RAB3GAP2: variants seen among roughly 807,000 people sequenced by gnomAD.
The protein encoded by RAB3GAP2 is RAB3 GTPase activating non-catalytic protein subunit 2.
In RAB3GAP2, 87 loss-of-function variants were observed where a neutral mutation model predicts 185.3. The ratio of observed to expected loss-of-function variants is 0.47; its 90% CI spans 0.39 to 0.56. The LOEUF (loss-of-function observed/expected upper bound fraction) is 0.56, where lower values mean the gene tolerates loss of function less well. RAB3GAP2 is among the 20% of genes least tolerant of loss of function. The pLI is 0.00. For missense variants in RAB3GAP2, 1,492 were observed against 1,638.2 expected (o/e 0.91, Z 1.54); for synonymous variants, 554 against 576.1 (o/e 0.96, Z 0.55).
intron 21 of RAB3GAP2, among the ~76,000 whole-genome samples, chr1:220,175,236 T>G (rs1183606761): frequency 6.6e-6 from 1 of 151,264 alleles, no homozygotes; most frequent in East Asian, 1.9e-4. Context: ...TTTCTTTTCT[T>G]TTTTTTTTGA....
intron 1 of RAB3GAP2, among the ~76,000 whole-genome samples, chr1:220,262,970 C>CTT (rs530788403): frequency 3.4e-3 from 493 of 145,788 alleles, no homozygotes; most frequent in African/African-American, 0.012. Flanking sequence ...TATCCTGATA[C>CTT]TTTTTTTTTT....
chr1:220,181,077 T>G (rs922406754), intron 21 of RAB3GAP2, among the ~76,000 whole-genome samples: 1 of 152,202 alleles, frequency 6.6e-6, no homozygotes, highest in Non-Finnish European at 1.5e-5. Flanking sequence ...CTAGATATGA[T>G]TTAAGGTATA....
intron 1 of RAB3GAP2, among the ~76,000 whole-genome samples, chr1:220,240,944 T>C (rs932525778): frequency 5.3e-5 from 8 of 152,116 alleles, no homozygotes; most frequent in East Asian, 1.9e-4. Flanking sequence ...AGAGAATTTT[T>C]TCCTTGAAGA....
intron 1 of RAB3GAP2, chr1:220,266,900 T>G (rs1660236673): frequency 6.3e-7 from 1 of 1,590,974 alleles, no homozygotes; most frequent in Admixed American, 1.7e-5. Context: ...CGTGATATTC[T>G]TTTGTAGGTC....
At chr1:220,243,203 A>C (rs1208855346) in intron 1 of RAB3GAP2, among the ~76,000 whole-genome samples, 1 of 151,976 alleles carries the variant, frequency 6.6e-6, no homozygotes, top group Non-Finnish European at 1.5e-5. Flanking sequence ...AAATACAAAA[A>C]ATTAGCCGGG....
intron 2 of RAB3GAP2, among the ~76,000 whole-genome samples, chr1:220,222,215 T>C (rs949932475): frequency 1.3e-5 from 2 of 152,212 alleles, no homozygotes; most frequent in Non-Finnish European, 2.9e-5. Context: ...AAGGATTTTT[T>C]CTTTTTTTTT....
At chr1:220,236,895 T>C (rs1300906633) in intron 1 of RAB3GAP2, among the ~76,000 whole-genome samples, 6 of 152,200 alleles carry the variant, frequency 3.9e-5, no homozygotes, top group Non-Finnish European at 8.8e-5. Flanking sequence ...AACTATGTAC[T>C]GTTTTAGGTT....
intron 1 of RAB3GAP2, among the ~76,000 whole-genome samples, chr1:220,271,808 A>G (rs1305479616): frequency 2.0e-5 from 3 of 151,206 alleles, no homozygotes; most frequent in Admixed American, 6.6e-5. Flanking sequence ...GAGCGCTGAC[A>G]TGTGGCAAGG....
intron 7 of RAB3GAP2, chr1:220,207,886 C>T (rs900647001): frequency 7.9e-5 from 12 of 152,084 alleles, no homozygotes; most frequent in African/African-American, 2.7e-4. Flanking sequence ...TCTCCTGAAA[C>T]GAATGACCTG....
chr1:220,246,323 G>GACTGTAAACTAGTTCA (rs1659814816), intron 1 of RAB3GAP2, among the ~76,000 whole-genome samples: 1 of 151,492 alleles, frequency 6.6e-6, no homozygotes, highest in Non-Finnish European at 1.5e-5. Flanking sequence ...CTGTTGGTGG[G>GACTGTAAACTAGTTCA]ACTGTAAACT....
chr1:220,176,876 A>T (rs1173889264), intron 21 of RAB3GAP2, among the ~76,000 whole-genome samples: 1 of 152,156 alleles, frequency 6.6e-6, no homozygotes, highest in African/African-American at 2.4e-5. Flanking sequence ...AGCTGATCCC[A>T]AGAGGGCCCA....
chr1:220,255,464 G>A (rs1465508316), intron 1 of RAB3GAP2, among the ~76,000 whole-genome samples: 1 of 152,122 alleles, frequency 6.6e-6, no homozygotes, highest in African/African-American at 2.4e-5. Flanking sequence ...TTCAGAAGGT[G>A]GATAACAACA....
At position 220,150,326 on chromosome 1, in the gene RAB3GAP2, G is replaced by A. The variant is rs185747953; in HGVS notation, c.*925C>T. 514 of 152,082 alleles carry A rather than the reference G, an allele frequency of 3.4e-3. 18 individuals carry two copies. The highest frequency in any genetic ancestry group is 0.028 in the Admixed American group (427 of 15,226). The allele number at this position is 152,082 out of a possible 1,614,324, so 9.4% of individuals were successfully genotyped here. ...GCTGTGAGGTAGGTTTGCTAAAGCT[G>A]TAATACCACTAAGCAGTTTTTTCAA... On this transcript the variant is annotated 3_prime_UTR_variant, in exon 35 of 35. Coordinates refer to ENST00000358951, the MANE Select transcript of RAB3GAP2 (RefSeq NM_012414.4).
chr1:220,267,007 C>A, intron 1 of RAB3GAP2: 1 of 1,611,128 alleles, frequency 6.2e-7, no homozygotes. Context: ...ATCATGCATC[C>A]GACCTTCAAT....
chr1:220,196,393 T>C lies in RAB3GAP2; in HGVS notation c.817A>G (p.Met273Val), dbSNP rs1327957794. 6 of 1,590,288 alleles carry C rather than the reference T, an allele frequency of 3.8e-6. No homozygotes were observed. The highest frequency in any genetic ancestry group is 4.3e-6 in the Non-Finnish European group (5 of 1,164,136). ...TIIDHASVGI[M>V]TLSPFDQMKT... The stretch of plus-strand genomic sequence containing the variant: ...ATTTGATCAAAGGGGGACAGAGTCA[T>C]AATACCTAATAAAAAAAAAAAAGTG... Residue 273 changes from methionine (M) to valine (V), a missense_variant, in exon 10 of 35, where the codon ATG becomes GTG. This residue lies in a region of RAB3GAP2 where 243 missense variants were observed against 314.8 expected (regional missense o/e 0.77). Coordinates refer to ENST00000358951, the MANE Select transcript of RAB3GAP2 (RefSeq NM_012414.4).
intron 1 of RAB3GAP2, among the ~76,000 whole-genome samples, chr1:220,269,064 T>C (rs1248375872): frequency 6.6e-6 from 1 of 152,176 alleles, no homozygotes; most frequent in Non-Finnish European, 1.5e-5. Context: ...AACAGGATGA[T>C]ATGATTGAGA....
chr1:220,211,724 A>G (rs1659088792), intron 4 of RAB3GAP2, among the ~76,000 whole-genome samples: 1 of 152,226 alleles, frequency 6.6e-6, no homozygotes, highest in African/African-American at 2.4e-5. Flanking sequence ...CAGCTTATCC[A>G]AAAAACTATA....
chr1:220,216,261 A>C (rs1315909819), intron 2 of RAB3GAP2, among the ~76,000 whole-genome samples: 1 of 152,082 alleles, frequency 6.6e-6, no homozygotes, highest in African/African-American at 2.4e-5. Context: ...GCAAAATCTC[A>C]TTTTATTAAA....
chr1:220,233,283 A>T (rs1659533579), intron 1 of RAB3GAP2, among the ~76,000 whole-genome samples: 1 of 152,238 alleles, frequency 6.6e-6, no homozygotes, highest in African/African-American at 2.4e-5. Flanking sequence ...TTAAAAAAGT[A>T]ACTTGCTTTT....
Sources: allele counts gnomAD v4.1 joint callset (sites outside exome capture counted in the v4.1 genomes callset), GRCh38; gene constraint gnomAD v4.1.1; regional missense constraint gnomAD v4.1.1; transcripts MANE v1.5; gene names NCBI Gene and HGNC (gene_info 2026-07-23, HGNC 2026-07-21).